The following COL22A1 variants were observed in gnomAD, a reference collection of about 807,000 sequenced individuals.
The protein encoded by COL22A1 is collagen alpha-1(XXII) chain.
Under a neutral mutation model 248.9 loss-of-function variants are expected in COL22A1, and 221 were observed. That is an observed-to-expected ratio of 0.89 (90% CI 0.80 to 0.99). The LOEUF (loss-of-function observed/expected upper bound fraction) is 0.99, where lower values mean the gene tolerates loss of function less well. Ranked by LOEUF, COL22A1 falls within the 50% of genes least tolerant of loss-of-function variation. COL22A1 has a pLI of 0.00. For missense variants in COL22A1, 2,240 were observed against 2,179.0 expected (o/e 1.03, Z -0.56); for synonymous variants, 891 against 793.4 (o/e 1.12, Z -2.07).
chr8:138,802,829 C>T (rs764104991), intron 11 of COL22A1, 43 bp downstream of exon 11: 58 of 1,531,400 alleles, frequency 3.8e-5, no homozygotes, highest in Middle Eastern at 3.4e-4. Flanking sequence ...CCCCCACGCC[C>T]GCCCTGAGGT....
chr8:138,902,701 G>A (rs1013496340), intron 1 of COL22A1, among the ~76,000 whole-genome samples: 3 of 133,538 alleles, frequency 2.2e-5, no homozygotes, highest in Admixed American at 7.9e-5. Context: ...GCAAGACTCC[G>A]TCTCAAAAAA....
intron 1 of COL22A1, among the ~76,000 whole-genome samples, chr8:138,884,071 G>C (rs376359061): frequency 6.6e-6 from 1 of 152,070 alleles, no homozygotes; most frequent in African/African-American, 2.4e-5. Context: ...ACCTCCCTTT[G>C]CCCCCCTGGG....
intron 42 of COL22A1, 79 bp from the exon 43 acceptor site, chr8:138,662,162 G>T: frequency 1.6e-6 from 2 of 1,224,346 alleles, no homozygotes; most frequent in Non-Finnish European, 2.4e-6. Flanking sequence ...GCAATAGTTG[G>T]CTCTCCTTCA....
intron 3 of COL22A1, among the ~76,000 whole-genome samples, chr8:138,845,190 T>A (rs550710031): frequency 7.9e-5 from 12 of 152,144 alleles, no homozygotes; most frequent in African/African-American, 2.7e-4. Flanking sequence ...TACATAAATA[T>A]GTTAAAGTCT....
Position 138,604,051 on chromosome 8 carries a change from A to G in COL22A1, c.4140+683T>C, listed in dbSNP as rs115742495. Among the ~76,000 whole-genome samples the G allele has an allele frequency of 1.1e-3, 173 of 152,316 alleles. 1 individual carries two copies. The highest frequency in any genetic ancestry group is 4.0e-3 in the African/African-American group (167 of 41,568). On this transcript the variant is annotated intron_variant, in intron 59 of 64. Transcript: ENST00000303045. ...GGGGGTCTGCTTTGCTTCAGTGTCA[A>G]GGAAAGTTGGCAAAGGCAATATTTC...
rs1586658882 is a variant in COL22A1, at chr8:138,755,050, C to T, written c.2031+107G>A. The T allele has an allele frequency of 8.9e-6, 10 of 1,123,876 alleles. No homozygotes were observed. In the East Asian group the frequency reaches 9.5e-5, roughly 11 times the overall value. 69.6% of individuals were successfully genotyped at this position (1,123,876 alleles called of 1,614,324 possible). A position where few individuals can be genotyped will look rare whatever the true frequency, so the allele number is the denominator to read the frequency against. ...ACAACCCACTCAGGTGATGTGAAGG[C>T]GCTTGAGATAATGCCATGCTCAGCG... On this transcript the variant is annotated intron_variant, in intron 21 of 64. Transcript: ENST00000303045.
At chr8:138,898,627 T>C (rs1414173633) in intron 1 of COL22A1, among the ~76,000 whole-genome samples, 1 of 152,160 alleles carries the variant, frequency 6.6e-6, no homozygotes, top group African/African-American at 2.4e-5. Flanking sequence ...AAAGACTAAC[T>C]TAGCGAAATA....
chr8:138,798,082 G>C (rs1310812278), intron 11 of COL22A1, among the ~76,000 whole-genome samples: 1 of 150,804 alleles, frequency 6.6e-6, no homozygotes, highest in Non-Finnish European at 1.5e-5. Context: ...TGTGTCTTGT[G>C]AAACCTATTT....
chr8:138,660,527 C>G (rs1823727263), intron 43 of COL22A1, 47 bp from the exon 44 acceptor site: 3 of 1,556,682 alleles, frequency 1.9e-6, no homozygotes, highest in Non-Finnish European at 2.7e-6. Context: ...AGCACACGAT[C>G]CTGACCCACT....
rs748651658 is a variant in COL22A1 at position 138,779,537 on chromosome 8, G to GGCTCTCCCA, written c.1667_1675dup (p.Leu556_Glu558dup). 32 of 1,613,464 alleles carry GGCTCTCCCA rather than the reference G, an allele frequency of 2.0e-5. No individual in the cohort carries two copies. Among genetic ancestry groups the GGCTCTCCCA allele is most frequent in the Non-Finnish European group, 2.6e-5 (31 of 1,179,458 alleles). ...CATGCCGACCTCACCCGGCAGCCCC[G>GGCTCTCCCA]GCTCTCCCAGCTCTCCTGGCTCCCC... On this transcript the variant is annotated inframe_insertion, in exon 14 of 65. Coordinates refer to ENST00000303045, the MANE Select transcript of COL22A1 (RefSeq NM_152888.3).
chr8:138,703,557 T>C (rs74886030), intron 30 of COL22A1, among the ~76,000 whole-genome samples: 6,633 of 152,324 alleles, frequency 0.044, 195 homozygotes, highest in East Asian at 0.13. Context: ...TTCAGACATA[T>C]AAAAACATTG....
chr8:138,812,012 C>A, intron 8 of COL22A1, 91 bp from the exon 9 acceptor site: 1 of 1,404,372 alleles, frequency 7.1e-7, no homozygotes, highest in Non-Finnish European at 9.5e-7. Flanking sequence ...TCCTCAGAAC[C>A]AGGCAGCCAA....
At chr8:138,628,010 GA>G (rs928414211) in intron 50 of COL22A1, among the ~76,000 whole-genome samples, 50 of 151,690 alleles carry the variant, frequency 3.3e-4, no homozygotes, top group African/African-American at 9.2e-4. Context: ...AAAAGGTTAG[GA>G]AAAAAAATCC....
At chr8:138,706,820 A>C (rs4265224) in intron 30 of COL22A1, among the ~76,000 whole-genome samples, 79,732 of 151,988 alleles carry the variant, frequency 0.52, 20,964 homozygotes, top group East Asian at 0.76. Context: ...AGACACAAAA[A>C]ACCCTTCAAA....
chr8:138,736,851 G>T (rs781321362), intron 23 of COL22A1, among the ~76,000 whole-genome samples: 1 of 152,136 alleles, frequency 6.6e-6, no homozygotes, highest in Non-Finnish European at 1.5e-5. Context: ...GGAAACTGAG[G>T]CCCCATCTCA....
intron 2 of COL22A1, among the ~76,000 whole-genome samples, chr8:138,882,175 C>T (rs1464500481): frequency 6.6e-6 from 1 of 152,092 alleles, no homozygotes; most frequent in Non-Finnish European, 1.5e-5. Context: ...GAGACAGGCT[C>T]ACAACCCAGG....
At chr8:138,882,108 C>T (rs1245745486) in intron 2 of COL22A1, among the ~76,000 whole-genome samples, 1 of 152,112 alleles carries the variant, frequency 6.6e-6, no homozygotes, top group Non-Finnish European at 1.5e-5. Flanking sequence ...CAGGACAACA[C>T]AGCCAGGTCC....
chr8:138,783,168 C>T (rs1407567175), intron 12 of COL22A1, among the ~76,000 whole-genome samples: 1 of 152,082 alleles, frequency 6.6e-6, no homozygotes, highest in Non-Finnish European at 1.5e-5. Context: ...ACCCCTCTGA[C>T]CCTCGCTTAG....
intron 41 of COL22A1, among the ~76,000 whole-genome samples, chr8:138,664,379 A>T (rs1261881691): frequency 6.6e-6 from 1 of 152,026 alleles, no homozygotes; most frequent in African/African-American, 2.4e-5. Context: ...GAAGGCATTC[A>T]CATGCATTTC....
Sources: gnomAD v4.1 joint callset for allele counts (sites outside exome capture counted in the v4.1 genomes callset) on GRCh38, gnomAD v4.1.1 for gene constraint, MANE v1.5 for transcripts, NCBI Gene and HGNC (gene_info 2026-07-23, HGNC 2026-07-21) for gene names.